The following ENTREP2 variants were observed in gnomAD, a reference collection of about 807,000 sequenced individuals.
The protein encoded by ENTREP2 is protein ENTREP2.
the ENTREP2 span, among the ~76,000 whole-genome samples, chr15:29,307,789 G>A: frequency 1.4e-4 from 22 of 152,248 alleles, no homozygotes; most frequent in East Asian, 2.9e-3. Context: ...GAAGGCGGCC[G>A]TCTGCAAGAC....
chr15:29,571,353 G>A, the ENTREP2 span, among the ~76,000 whole-genome samples: 1 of 151,768 alleles, frequency 6.6e-6, no homozygotes, highest in East Asian at 1.9e-4. Context: ...GCCTGGGGAC[G>A]GCTCGGGATG....
chr15:29,655,200 C>T, the ENTREP2 span, among the ~76,000 whole-genome samples: 1 of 152,150 alleles, frequency 6.6e-6, no homozygotes, highest in African/African-American at 2.4e-5. Flanking sequence ...TCCATGTGCC[C>T]TTTCTCTTTG....
the ENTREP2 span, among the ~76,000 whole-genome samples, chr15:29,322,870 T>C: frequency 6.6e-6 from 1 of 152,228 alleles, no homozygotes; most frequent in African/African-American, 2.4e-5. Context: ...TGGTTTTGTG[T>C]TCCTTTTTCC....
At chr15:29,408,057 C>T in the ENTREP2 span, among the ~76,000 whole-genome samples, 2 of 152,154 alleles carry the variant, frequency 1.3e-5, no homozygotes, top group Non-Finnish European at 2.9e-5. Context: ...AGGGACCCTA[C>T]ACGTTTAACA....
At chr15:29,404,440 G>A in the ENTREP2 span, among the ~76,000 whole-genome samples, 1 of 151,916 alleles carries the variant, frequency 6.6e-6, no homozygotes, top group African/African-American at 2.4e-5. Context: ...GAACTCCCCT[G>A]TCTGGTCAGT....
At chr15:29,336,864 C>T in the ENTREP2 span, among the ~76,000 whole-genome samples, 2 of 152,064 alleles carry the variant, frequency 1.3e-5, no homozygotes, top group Non-Finnish European at 2.9e-5. Flanking sequence ...ATGGTGCCAA[C>T]CTAATACCCC....
the ENTREP2 span, among the ~76,000 whole-genome samples, chr15:29,419,136 C>T: frequency 7.9e-3 from 1,199 of 152,280 alleles, 6 homozygotes; most frequent in Non-Finnish European, 0.012. Context: ...CAGCACAGTC[C>T]TTGCTTCAAT....
chr15:29,576,330 C>T, the ENTREP2 span, among the ~76,000 whole-genome samples: 1 of 152,144 alleles, frequency 6.6e-6, no homozygotes, highest in African/African-American at 2.4e-5. Context: ...CAAAAGTTAA[C>T]TCAAAATGGA....
the ENTREP2 span, among the ~76,000 whole-genome samples, chr15:29,119,195 C>T: frequency 6.6e-6 from 1 of 152,252 alleles, no homozygotes; most frequent in African/African-American, 2.4e-5. Flanking sequence ...GCAAAGAAAG[C>T]TGTTCCATAG....
chr15:29,657,476 GGGGGGGC>G, the ENTREP2 span, among the ~76,000 whole-genome samples: 1 of 93,172 alleles, frequency 1.1e-5, no homozygotes, highest in African/African-American at 4.3e-5. Context: ...GCTGTCGGCT[GGGGGGGC>G]GGGGGGGGGG....
chr15:29,233,630 G>A, the ENTREP2 span: 17 of 770,414 alleles, frequency 2.2e-5, 1 homozygote, highest in African/African-American at 6.8e-5. Flanking sequence ...AAAGGTGTGC[G>A]AGAGCTTAGT....
At chr15:29,407,894 G>T in the ENTREP2 span, among the ~76,000 whole-genome samples, 1 of 151,994 alleles carries the variant, frequency 6.6e-6, no homozygotes, top group Non-Finnish European at 1.5e-5. Context: ...GGCCAGGCTG[G>T]TCTCGAACTC....
the ENTREP2 span, among the ~76,000 whole-genome samples, chr15:29,520,634 T>TA: frequency 1.5e-4 from 23 of 151,796 alleles, no homozygotes; most frequent in Non-Finnish European, 1.5e-5. Flanking sequence ...AATGTAAAGC[T>TA]AAAAAACTGC....
the ENTREP2 span, among the ~76,000 whole-genome samples, chr15:29,436,133 T>C: frequency 6.6e-6 from 1 of 152,196 alleles, no homozygotes; most frequent in African/African-American, 2.4e-5. Context: ...AGTTCAGATG[T>C]CGGAGATCTT....
the ENTREP2 span, among the ~76,000 whole-genome samples, chr15:29,626,573 AC>A: frequency 6.6e-6 from 1 of 152,346 alleles, no homozygotes; most frequent in Admixed American, 6.5e-5. Flanking sequence ...AGGAGAACAG[AC>A]TAATACAGTA....
At chr15:29,304,825 C>T in the ENTREP2 span, among the ~76,000 whole-genome samples, 2 of 152,266 alleles carry the variant, frequency 1.3e-5, no homozygotes, top group South Asian at 4.1e-4. Flanking sequence ...GTCAGTCCCA[C>T]TCAGGGCCTC....
chr15:29,325,195 G>C, the ENTREP2 span, among the ~76,000 whole-genome samples: 1 of 152,118 alleles, frequency 6.6e-6, no homozygotes, highest in Non-Finnish European at 1.5e-5. Flanking sequence ...TACTCAAGGA[G>C]AATTTGCAGC....
chr15:29,230,956 G>A, the ENTREP2 span, among the ~76,000 whole-genome samples: 1 of 152,262 alleles, frequency 6.6e-6, no homozygotes, highest in Non-Finnish European at 1.5e-5. Context: ...ATAGATTATA[G>A]CCTGAGTGGA....
At chr15:29,567,472 G>C in the ENTREP2 span, among the ~76,000 whole-genome samples, 1 of 152,174 alleles carries the variant, frequency 6.6e-6, no homozygotes, top group Non-Finnish European at 1.5e-5. Flanking sequence ...TAAAAAGTCA[G>C]AGCAACTAAG....
Sources: allele counts gnomAD v4.1 joint callset (sites outside exome capture counted in the v4.1 genomes callset), GRCh38; gene constraint gnomAD v4.1.1; transcripts MANE v1.5; gene names NCBI Gene and HGNC (gene_info 2026-07-23, HGNC 2026-07-21).